CEP135: variants seen among roughly 807,000 people sequenced by gnomAD.
The protein encoded by CEP135 is centrosomal protein of 135 kDa.
In CEP135, 142 loss-of-function variants were observed where a neutral mutation model predicts 157.3. The observed-to-expected ratio is 0.90, with a 90% CI of 0.79 to 1.04. CEP135 has a LOEUF of 1.04. CEP135 is among the 50% of genes least tolerant of loss of function. CEP135 has a pLI of 0.00. For missense variants in CEP135, 1,317 were observed against 1,309.2 expected, an observed-to-expected ratio of 1.01 and a Z score of -0.09; for synonymous variants, 396 against 439.8, an observed-to-expected ratio of 0.90 and a Z score of 1.25.
At chr4:55,973,700 A>C (rs6838426) in intron 10 of CEP135, among the ~76,000 whole-genome samples, 47,204 of 151,758 alleles carry the variant, frequency 0.31, 7,632 homozygotes, top group Admixed American at 0.38. Flanking sequence ...ACCCATTCCT[A>C]TGCAGCCACT....
intron 14 of CEP135, among the ~76,000 whole-genome samples, chr4:55,990,169 A>G (rs1396523912): frequency 6.6e-6 from 1 of 152,054 alleles, no homozygotes; most frequent in Non-Finnish European, 1.5e-5. Context: ...AATTTTTGTC[A>G]AGAGTTCCAT....
chr4:56,031,131 C>CTAAATAAATAAA (rs558510777), intron 25 of CEP135, among the ~76,000 whole-genome samples: 1 of 151,482 alleles, frequency 6.6e-6, no homozygotes, highest in South Asian at 2.1e-4. Context: ...GACCCTATCT[C>CTAAATAAATAAA]TAAATAAATA....
At chr4:55,956,980 A>G (rs999362200) in intron 4 of CEP135, among the ~76,000 whole-genome samples, 5 of 152,170 alleles carry the variant, frequency 3.3e-5, no homozygotes, top group African/African-American at 4.8e-5. Flanking sequence ...AAGCCTGGGC[A>G]TATATGCCAA....
At chr4:55,958,631 T>G (rs1261908901) in intron 5 of CEP135, among the ~76,000 whole-genome samples, 1 of 152,232 alleles carries the variant, frequency 6.6e-6, no homozygotes, top group Non-Finnish European at 1.5e-5. Flanking sequence ...ATGCACATTT[T>G]GTTTGTATTC....
chr4:56,009,681 G>T, intron 18 of CEP135, 54 bp from the exon 19 acceptor site: 1 of 1,486,020 alleles, frequency 6.7e-7, no homozygotes, highest in South Asian at 1.2e-5. Context: ...TCTTTTAAAT[G>T]AACTACAGTT....
At chr4:55,988,866 C>T (rs1308262131) in intron 14 of CEP135, among the ~76,000 whole-genome samples, 3 of 147,664 alleles carry the variant, frequency 2.0e-5, no homozygotes, top group Admixed American at 6.9e-5. Flanking sequence ...GAGGCTGAGG[C>T]AGGAGAATGG....
In CEP135 at chr4:56,028,724, A is replaced by T. The variant is rs574932030; in HGVS notation, c.*12-2636A>T. On this transcript the variant is annotated intron_variant, in intron 25 of 25. Transcript: ENST00000257287. ...ATTTGTTTTTTGACTATCATATCTA[A>T]TGCATGCTATTTGAGATAGGAAAAG... 5.3e-5 allele frequency among the ~76,000 whole-genome samples: 8 copies of T among 152,302 alleles called. No homozygotes were observed. In the South Asian group the frequency reaches 1.7e-3, roughly 32 times the overall value.
At position 56,008,485 on chromosome 4, in the gene CEP135, A is replaced by G. The variant is rs143358325; in HGVS notation, c.2336+103A>G. The G allele has an allele frequency of 1.3e-3, 1,237 of 928,678 alleles. 11 individuals carry two copies. In the African/African-American group the frequency reaches 0.019, roughly 14 times the overall value. 57.5% of individuals were successfully genotyped at this position (928,678 alleles called of 1,614,324 possible). Reference sequence around the variant, plus strand: ...CAGCAATAGAAGAATTTCCCTTTCAATTTCCCCATTTTTGTCAATGGTAGC... The same window carrying G: ...CAGCAATAGAAGAATTTCCCTTTCAGTTTCCCCATTTTTGTCAATGGTAGC... On this transcript the variant is annotated intron_variant, in intron 18 of 25. Transcript: ENST00000257287.
intron 23 of CEP135, among the ~76,000 whole-genome samples, chr4:56,020,341 C>A (rs1469347149): frequency 1.3e-5 from 2 of 152,096 alleles, no homozygotes; most frequent in African/African-American, 4.8e-5. Flanking sequence ...GAAGAATGAG[C>A]TTTTGAAAGG....
intron 24 of CEP135, among the ~76,000 whole-genome samples, chr4:56,022,865 G>A (rs1731014660): frequency 6.6e-6 from 1 of 152,144 alleles, no homozygotes; most frequent in Admixed American, 6.5e-5. Flanking sequence ...GGAGGCTGAG[G>A]CAGGAGGATC....
At chr4:56,026,755 G>A (rs997746043) in intron 25 of CEP135, among the ~76,000 whole-genome samples, 4 of 152,196 alleles carry the variant, frequency 2.6e-5, no homozygotes, top group African/African-American at 9.6e-5. Flanking sequence ...TTTGACTGAG[G>A]AAGGATCAAA....
At chr4:56,003,190 T>C (rs1730237800) in intron 17 of CEP135, among the ~76,000 whole-genome samples, 2 of 152,098 alleles carry the variant, frequency 1.3e-5, no homozygotes, top group South Asian at 2.1e-4. Context: ...TGATCTTTTG[T>C]ATTTTCTTTT....
intron 19 of CEP135, among the ~76,000 whole-genome samples, 197 bp downstream of exon 19, chr4:56,010,100 A>G (rs1362907416): frequency 8.5e-5 from 13 of 152,134 alleles, no homozygotes; most frequent in Admixed American, 8.5e-4. Context: ...CTGTAATCTT[A>G]GCACTTTCAG....
intron 14 of CEP135, among the ~76,000 whole-genome samples, chr4:55,991,407 C>A (rs541636625): frequency 8.6e-5 from 13 of 150,588 alleles, no homozygotes; most frequent in Middle Eastern, 3.5e-3. Flanking sequence ...ATTGGAATTC[C>A]ATTGAATTTA....
chr4:55,965,882 T>G (rs1324513722), intron 8 of CEP135, 23 bp downstream of exon 8: 1 of 1,558,462 alleles, frequency 6.4e-7, no homozygotes, highest in East Asian at 2.3e-5. Flanking sequence ...ATGTGTAGAT[T>G]GTGAGAGTGT....
chr4:56,012,040 A>G, intron 21 of CEP135, 55 bp downstream of exon 21: 2 of 1,030,948 alleles, frequency 1.9e-6, no homozygotes, highest in South Asian at 5.6e-5. Context: ...GAAAACATTC[A>G]AAGATACTTT....
chr4:55,984,036 G>T (rs1560409479), intron 13 of CEP135, among the ~76,000 whole-genome samples: 1 of 151,990 alleles, frequency 6.6e-6, no homozygotes, highest in Admixed American at 6.6e-5. Flanking sequence ...TGTATTATTG[G>T]CCCCTGTACT....
Position 56,020,907 on chromosome 4 carries a change from T to C in CEP135, c.3320+127T>C, listed in dbSNP as rs1730953368. ...AGCTAATACATAAAGTACATTTCTT[T>C]GGTAATTCTTCCTTTTAAAAAAGGC... On this transcript the variant is annotated intron_variant, in intron 24 of 25. Transcript: ENST00000257287. The C allele has an allele frequency of 8.0e-6, 5 of 626,420 alleles. No homozygotes were observed. The South Asian group carries it at 1.2e-4, about 15-fold the overall frequency. 38.8% of individuals were successfully genotyped at this position (626,420 alleles called of 1,614,324 possible).
chr4:55,992,196 T>C (rs907422581), intron 15 of CEP135, 111 bp downstream of exon 15: 22 of 1,070,016 alleles, frequency 2.1e-5, no homozygotes, highest in South Asian at 2.0e-4. Context: ...GTTTTAGAAG[T>C]TGGCTTTGCA....
Sources: gnomAD v4.1 joint callset for allele counts (sites outside exome capture counted in the v4.1 genomes callset) on GRCh38, gnomAD v4.1.1 for gene constraint, MANE v1.5 for transcripts, NCBI Gene and HGNC (gene_info 2026-07-23, HGNC 2026-07-21) for gene names.